RARB: variants seen among roughly 807,000 people sequenced by gnomAD.
RARB encodes HBV-activated protein.
RARB carries 17 observed loss-of-function variants against 51.9 expected under a neutral mutation model. The ratio of observed to expected loss-of-function variants is 0.33; its 90% CI spans 0.22 to 0.49. The LOEUF is 0.49. Ranked by LOEUF, RARB falls within the 20% of genes least tolerant of loss-of-function variation. The probability of loss-of-function intolerance (pLI) is 0.99; values close to 1 mark genes in which losing one functional copy is unlikely to be tolerated. For synonymous variants in RARB, 215 were observed against 195.4 expected (o/e 1.10, Z -0.84); for missense variants, 369 against 550.8 (o/e 0.67, Z 3.30).
chr3:25,136,921 A>T (rs974751503), intron 4 of RARB, among the ~76,000 whole-genome samples: 2 of 152,042 alleles, frequency 1.3e-5, no homozygotes, highest in African/African-American at 4.8e-5. Context: ...TGTTAATGGT[A>T]TCAACAACCG....
chr3:25,130,955 GATA>G (rs201311498), intron 3 of RARB, among the ~76,000 whole-genome samples: 460 of 44,792 alleles, frequency 0.01, 13 homozygotes, highest in Admixed American at 0.099. Flanking sequence ...ATTTATTATT[GATA>G]ATATTATCAA....
chr3:25,248,696 A>G (rs919857885), intron 5 of RARB, among the ~76,000 whole-genome samples: 19 of 152,102 alleles, frequency 1.2e-4, no homozygotes, highest in Admixed American at 3.9e-4. Context: ...TCCTTTTATA[A>G]AGGATAATTT....
At chr3:25,178,381 G>T (rs1575199146) in intron 5 of RARB, among the ~76,000 whole-genome samples, 3 of 152,216 alleles carry the variant, frequency 2.0e-5, no homozygotes, top group Admixed American at 2.0e-4. Flanking sequence ...AGCATTTAGT[G>T]TATGCCATTC....
At chr3:24,879,150 C>A (rs961374040) in intron 2 of RARB, among the ~76,000 whole-genome samples, 3 of 152,092 alleles carry the variant, frequency 2.0e-5, no homozygotes, top group African/African-American at 7.2e-5. Flanking sequence ...TGAGTTCCAG[C>A]TGGACACGGT....
At chr3:25,396,998 C>A (rs1707133124) in intron 5 of RARB, among the ~76,000 whole-genome samples, 1 of 152,168 alleles carries the variant, frequency 6.6e-6, no homozygotes, top group Non-Finnish European at 1.5e-5. Context: ...GGCCCCACTG[C>A]TCTCTCAACT....
intron 5 of RARB, among the ~76,000 whole-genome samples, chr3:25,418,304 A>G (rs539313158): frequency 2.4e-4 from 37 of 152,322 alleles, no homozygotes; most frequent in African/African-American, 8.7e-4. Flanking sequence ...GTCTATTTCT[A>G]TCGAATGTGT....
At chr3:25,336,242 T>C (rs1705059313) in intron 5 of RARB, among the ~76,000 whole-genome samples, 1 of 152,158 alleles carries the variant, frequency 6.6e-6, no homozygotes, top group South Asian at 2.1e-4. Context: ...GATTTAGTAG[T>C]TTTTCTTTCT....
At chr3:25,184,041 C>T (rs1198681888) in intron 5 of RARB, among the ~76,000 whole-genome samples, 1 of 152,134 alleles carries the variant, frequency 6.6e-6, no homozygotes, top group Non-Finnish European at 1.5e-5. Flanking sequence ...TAACTAAATC[C>T]TTCCCTGGTT....
At chr3:25,046,052 T>C (rs999813385) in intron 2 of RARB, among the ~76,000 whole-genome samples, 17 of 152,322 alleles carry the variant, frequency 1.1e-4, no homozygotes, top group African/African-American at 4.1e-4. Flanking sequence ...GCTTTGTAAA[T>C]CATGTAGTCT....
rs1434702114 is a variant in RARB, at chr3:25,362,073, C to G, written c.179-99120C>G. On this transcript the variant is annotated intron_variant, in intron 5 of 11. Transcript: ENST00000383772. ...GGAATGTTTAAGTCTGCTGAAGCTG[C>G]ACCCACAGCCGCCCCTTCCTCTAGG... Among the ~76,000 whole-genome samples the G allele has an allele frequency of 2.0e-5, 3 of 152,182 alleles. No homozygotes were observed. In the East Asian group the frequency reaches 5.8e-4, roughly 29 times the overall value.
At chr3:25,552,190 G>T (rs1261862931) in intron 3 of RARB, among the ~76,000 whole-genome samples, 1 of 152,138 alleles carries the variant, frequency 6.6e-6, no homozygotes, top group Non-Finnish European at 1.5e-5. Context: ...AGTTCCTGGA[G>T]CTGACCAACC....
intron 2 of RARB, among the ~76,000 whole-genome samples, chr3:24,995,905 C>T (rs1697027649): frequency 6.6e-6 from 1 of 151,810 alleles, no homozygotes; most frequent in Admixed American, 6.6e-5. Flanking sequence ...TTATCAGCAT[C>T]TGGTTTGTAG....
chr3:25,189,728 A>T (rs374842016), intron 5 of RARB, among the ~76,000 whole-genome samples: 1 of 152,036 alleles, frequency 6.6e-6, no homozygotes, highest in Non-Finnish European at 1.5e-5. Context: ...CTCTATAAAA[A>T]CACAAAAATT....
intron 5 of RARB, among the ~76,000 whole-genome samples, chr3:25,298,482 C>T (rs1317205902): frequency 3.3e-5 from 5 of 152,132 alleles, no homozygotes; most frequent in Admixed American, 1.3e-4. Flanking sequence ...GATAGAGAGC[C>T]AGAGCAGGCT....
intron 1 of RARB, among the ~76,000 whole-genome samples, chr3:24,848,879 C>A (rs1436693127): frequency 6.6e-6 from 1 of 152,162 alleles, no homozygotes; most frequent in Non-Finnish European, 1.5e-5. Flanking sequence ...TGCCTTATGG[C>A]CACCCAAAGA....
At chr3:25,251,593 G>A (rs1175835446) in intron 5 of RARB, among the ~76,000 whole-genome samples, 2 of 152,050 alleles carry the variant, frequency 1.3e-5, no homozygotes, top group African/African-American at 4.8e-5. Flanking sequence ...GTTTTGGTTG[G>A]CATTTTCCTA....
chr3:25,020,051 T>A (rs1420565709), intron 2 of RARB: 1 of 151,724 alleles, frequency 6.6e-6, no homozygotes, highest in Non-Finnish European at 1.5e-5. Flanking sequence ...AGTTGGGGAT[T>A]TTACCCAAAA....
intron 3 of RARB, among the ~76,000 whole-genome samples, chr3:25,522,691 G>A (rs1208603076): frequency 6.6e-6 from 1 of 152,152 alleles, no homozygotes; most frequent in African/African-American, 2.4e-5. Context: ...CTCAATTAAG[G>A]CACAGAATTT....
chr3:25,451,160 G>A (rs1208373928), intron 1 of RARB, among the ~76,000 whole-genome samples: 1 of 152,250 alleles, frequency 6.6e-6, no homozygotes, highest in African/African-American at 2.4e-5. Flanking sequence ...TGTGTTTGTG[G>A]GAGGAGGGGA....
Sources: allele counts gnomAD v4.1 joint callset (sites outside exome capture counted in the v4.1 genomes callset), GRCh38; gene constraint gnomAD v4.1.1; transcripts MANE v1.5; gene names NCBI Gene and HGNC (gene_info 2026-07-23, HGNC 2026-07-21).